DTWD2: variants seen among roughly 807,000 people sequenced by gnomAD.
The protein encoded by DTWD2 is DTW motif tRNA-uridine aminocarboxypropyltransferase 2, also known as tRNA-uridine aminocarboxypropyltransferase 2.
Under a neutral mutation model 31.8 loss-of-function variants are expected in DTWD2, and 39 were observed. That is an observed-to-expected ratio of 1.22 (90% CI 0.95 to 1.60). The LOEUF (loss-of-function observed/expected upper bound fraction) is 1.60. Among genes scored for constraint, DTWD2 ranks in the 40% most tolerant of loss-of-function variants. The probability of loss-of-function intolerance (pLI) is 0.00; values close to 1 mark genes in which losing one functional copy is unlikely to be tolerated. For synonymous variants in DTWD2, 180 were observed against 142.8 expected (o/e 1.26, Z -1.86); for missense variants, 515 against 381.5 (o/e 1.35, Z -2.92).
At chr5:118,931,176 T>G (rs1753914535) in intron 3 of DTWD2, among the ~76,000 whole-genome samples, 1 of 152,054 alleles carries the variant, frequency 6.6e-6, no homozygotes, top group Admixed American at 6.6e-5. Context: ...GAGCACTGCT[T>G]AAGCCCAAGA....
At chr5:118,897,202 ACAGCT>A (rs1370939285) in intron 4 of DTWD2, among the ~76,000 whole-genome samples, 1 of 152,230 alleles carries the variant, frequency 6.6e-6, no homozygotes, top group African/African-American at 2.4e-5. Flanking sequence ...CACATGGGAC[ACAGCT>A]CAGAGGAAAC....
intron 1 of DTWD2, among the ~76,000 whole-genome samples, chr5:118,964,875 TGAG>T (rs1317195606): frequency 6.6e-6 from 1 of 152,166 alleles, no homozygotes; most frequent in Non-Finnish European, 1.5e-5. Context: ...GTCTGGGAAG[TGAG>T]GAGCATCTCT....
chr5:118,979,446 G>C (rs1025303389), intron 1 of DTWD2, among the ~76,000 whole-genome samples: 4 of 152,156 alleles, frequency 2.6e-5, no homozygotes, highest in Non-Finnish European at 5.9e-5. Flanking sequence ...AAGATAATGG[G>C]GCAATTCCTC....
chr5:118,864,069 C>A lies in DTWD2; in HGVS notation c.598-15851G>T, dbSNP rs1009151630. Reference sequence around the variant, plus strand: ...TATTTTGCAGAACCCTGATGTTCTGCAAAACCCACATGTATGTTTATTGCG... The same window carrying A: ...TATTTTGCAGAACCCTGATGTTCTGAAAAACCCACATGTATGTTTATTGCG... On this transcript the variant is annotated intron_variant, in intron 4 of 5. Coordinates refer to ENST00000510708, the MANE Select transcript of DTWD2 (RefSeq NM_173666.4). 2.9e-5 allele frequency among the ~76,000 whole-genome samples: 2 copies of A among 68,286 alleles called. 1 individual carries two copies. The highest frequency in any genetic ancestry group is 3.4e-4 in the African/African-American group (2 of 5,832). 44.8% of individuals were successfully genotyped at this position (68,286 alleles called of 152,430 possible).
chr5:118,846,213 T>C (rs905495344), intron 5 of DTWD2, among the ~76,000 whole-genome samples: 1 of 152,168 alleles, frequency 6.6e-6, no homozygotes, highest in Non-Finnish European at 1.5e-5. Flanking sequence ...GTAGATGGTA[T>C]ATTAATTAAT....
Position 118,988,524 on chromosome 5 carries a change from G to T in DTWD2, c.-13C>A. On this transcript the variant is annotated 5_prime_UTR_variant, in exon 1 of 6. Coordinates refer to ENST00000510708, the MANE Select transcript of DTWD2 (RefSeq NM_173666.4). ...TCTGCGACTCCATGGCGGACACTCC[G>T]GTCAGGCCGTGGCATTGAAGCCCGG... 6.5e-7 allele frequency: 1 copy of T among 1,530,076 alleles called. No individual in the cohort carries two copies. The highest frequency in any genetic ancestry group is 8.8e-7 in the Non-Finnish European group (1 of 1,141,818). 94.8% of individuals were successfully genotyped at this position (1,530,076 alleles called of 1,614,324 possible).
intron 4 of DTWD2, among the ~76,000 whole-genome samples, chr5:118,853,563 C>T (rs1752063051): frequency 6.6e-6 from 1 of 152,124 alleles, no homozygotes; most frequent in Non-Finnish European, 1.5e-5. Flanking sequence ...GAATACTACA[C>T]AGCCATAGAA....
intron 1 of DTWD2, chr5:118,974,082 A>G: frequency 6.2e-7 from 1 of 1,602,314 alleles, no homozygotes. Flanking sequence ...GATGAGGATG[A>G]CGATGTCGAT....
At chr5:118,876,327 C>A (rs1752620707) in intron 4 of DTWD2, among the ~76,000 whole-genome samples, 1 of 152,028 alleles carries the variant, frequency 6.6e-6, no homozygotes, top group African/African-American at 2.4e-5. Context: ...AATTCCAAAG[C>A]CAGCAGAAGA....
chr5:118,865,686 A>T (rs1310115411), intron 4 of DTWD2, among the ~76,000 whole-genome samples: 1 of 152,176 alleles, frequency 6.6e-6, no homozygotes, highest in Non-Finnish European at 1.5e-5. Flanking sequence ...GCCTTACTTT[A>T]GCCTCATTTT....
At chr5:118,936,832 A>G (rs1754056628) in intron 3 of DTWD2, among the ~76,000 whole-genome samples, 1 of 152,130 alleles carries the variant, frequency 6.6e-6, no homozygotes, top group South Asian at 2.1e-4. Flanking sequence ...TTCTTTAAAG[A>G]GATCGACCAA....
chr5:118,854,232 T>G (rs1362244141), intron 4 of DTWD2, among the ~76,000 whole-genome samples: 1 of 152,162 alleles, frequency 6.6e-6, no homozygotes, highest in Non-Finnish European at 1.5e-5. Flanking sequence ...CAAATAAGAA[T>G]TGTGTTTAAT....
At chr5:118,950,227 A>AG (rs1352296884) in intron 1 of DTWD2, among the ~76,000 whole-genome samples, 1 of 151,398 alleles carries the variant, frequency 6.6e-6, no homozygotes, top group Non-Finnish European at 1.5e-5. Flanking sequence ...AAAAAAAAAA[A>AG]AAAAAAAAAA....
At chr5:118,848,035 G>C (rs556264482) in intron 5 of DTWD2, 55 bp downstream of exon 5, 415 of 1,432,442 alleles carry the variant, frequency 2.9e-4, no homozygotes, top group Non-Finnish European at 3.6e-4. Context: ...AAATCTTCTA[G>C]GTAAAATCTA....
At chr5:118,980,569 CATT>C (rs1454839728) in intron 1 of DTWD2, among the ~76,000 whole-genome samples, 1 of 152,184 alleles carries the variant, frequency 6.6e-6, no homozygotes, top group Non-Finnish European at 1.5e-5. Context: ...AGATGTTCAA[CATT>C]ATTAGTCAGC....
At chr5:118,861,605 C>A (rs941496259) in intron 4 of DTWD2, among the ~76,000 whole-genome samples, 2 of 152,068 alleles carry the variant, frequency 1.3e-5, no homozygotes, top group African/African-American at 4.8e-5. Flanking sequence ...CTTTCAAACT[C>A]ACTATTTCTC....
chr5:118,841,723 G>A lies in DTWD2; in HGVS notation c.727-636C>T, dbSNP rs1431027685. Among the ~76,000 whole-genome samples, 8 of 152,026 alleles carry A rather than the reference G, an allele frequency of 5.3e-5. No homozygotes were observed. In the East Asian group the frequency reaches 1.2e-3, roughly 22 times the overall value. On this transcript the variant is annotated intron_variant, in intron 5 of 5. Transcript: ENST00000510708. The stretch of plus-strand genomic sequence containing the variant: ...TTACAAGCCAACAGAGAATAGTGGC[G>A]GCTGTAATACAACTGGAGTATACGC...
Position 118,856,689 on chromosome 5 carries a change from T to C in DTWD2, c.598-8471A>G, listed in dbSNP as rs28510458. On this transcript the variant is annotated intron_variant, in intron 4 of 5. Transcript: ENST00000510708. ...TTTTAAAAATGTTTGCCATATTTTG[T>C]ATTTTTCTTTACTAAATTAGTCATC... Among the ~76,000 whole-genome samples, 675 of 152,234 alleles carry C rather than the reference T, an allele frequency of 4.4e-3. 7 individuals are homozygous for C. Among genetic ancestry groups the C allele is most frequent in the Admixed American group, 7.2e-3 (110 of 15,280 alleles).
intron 4 of DTWD2, among the ~76,000 whole-genome samples, chr5:118,865,146 C>T (rs1186606571): frequency 2.6e-5 from 4 of 152,138 alleles, no homozygotes. Flanking sequence ...TTCTGAAATA[C>T]ATCTGAATTT....
Sources: allele counts gnomAD v4.1 joint callset (sites outside exome capture counted in the v4.1 genomes callset), GRCh38; gene constraint gnomAD v4.1.1; transcripts MANE v1.5; gene names NCBI Gene and HGNC (gene_info 2026-07-23, HGNC 2026-07-21).